Variants in ASCC3 observed in about 807,000 individuals in gnomAD.
ASCC3 encodes the protein ASC-1 complex subunit P200.
ASCC3 carries 158 observed loss-of-function variants against 256.3 expected under a neutral mutation model. That is an observed-to-expected ratio of 0.62 (90% CI 0.54 to 0.70). The LOEUF (loss-of-function observed/expected upper bound fraction) is 0.70, where lower values mean the gene tolerates loss of function less well. ASCC3 is among the 30% of genes least tolerant of loss of function. The pLI is 0.00. For missense variants in ASCC3, 2,259 were observed against 2,626.0 expected (o/e 0.86, Z 3.05); for synonymous variants, 948 against 883.4 (o/e 1.07, Z -1.30).
chr6:100,834,661 A>AT (rs1434551347), intron 4 of ASCC3, among the ~76,000 whole-genome samples: 2 of 152,178 alleles, frequency 1.3e-5, no homozygotes, highest in Non-Finnish European at 2.9e-5. Context: ...AGCTAGCATA[A>AT]TTTTTTTAAA....
chr6:100,763,784 C>T (rs1781519693), intron 10 of ASCC3, among the ~76,000 whole-genome samples: 1 of 152,168 alleles, frequency 6.6e-6, no homozygotes, highest in Admixed American at 6.5e-5. Flanking sequence ...TAAATAAATG[C>T]AAATGTCCCC....
chr6:100,613,590 CTT>C (rs1306021824), intron 30 of ASCC3, among the ~76,000 whole-genome samples: 1 of 151,958 alleles, frequency 6.6e-6, no homozygotes, highest in African/African-American at 2.4e-5. Flanking sequence ...CTGATGGATA[CTT>C]AGGTTGATTC....
chr6:100,538,092 T>C (rs1045467176), intron 37 of ASCC3, among the ~76,000 whole-genome samples: 6 of 151,922 alleles, frequency 3.9e-5, no homozygotes, highest in Admixed American at 3.9e-4. Context: ...GCAATATAGG[T>C]TTTAGAAGTA....
chr6:100,842,476 A>G (rs1244328103), intron 4 of ASCC3, among the ~76,000 whole-genome samples: 1 of 152,162 alleles, frequency 6.6e-6, no homozygotes, highest in Non-Finnish European at 1.5e-5. Context: ...ACATAATGTA[A>G]TGTGTGATAT....
intron 4 of ASCC3, among the ~76,000 whole-genome samples, chr6:100,836,932 A>C (rs1022171783): frequency 1.3e-5 from 2 of 152,106 alleles, no homozygotes; most frequent in African/African-American, 4.8e-5. Flanking sequence ...TGGTCTGTTC[A>C]GATTTTCTGG....
chr6:100,625,468 T>C, intron 29 of ASCC3, 134 bp from the exon 30 acceptor site: 1 of 1,022,248 alleles, frequency 9.8e-7, no homozygotes, highest in Non-Finnish European at 1.5e-6. Flanking sequence ...TTATTGCAGG[T>C]ACTACATGGA....
At position 100,854,511 on chromosome 6, in the gene ASCC3, A is replaced by T. The variant is rs191880653; in HGVS notation, c.242-5804T>A. ...CTGTTGCCTTTGGGATGAACAAATA[A>T]AGGAAAGCAAACAAAGATATTTGTT... On this transcript the variant is annotated intron_variant, in intron 3 of 41. Transcript: ENST00000369162. 2.6e-5 allele frequency among the ~76,000 whole-genome samples: 4 copies of T among 152,334 alleles called. No individual in the cohort carries two copies. In the East Asian group the frequency reaches 7.7e-4, roughly 29 times the overall value.
Position 100,727,233 on chromosome 6 carries a change from T to G in ASCC3, c.1738-1530A>C, listed in dbSNP as rs1291697763. ...CACAGTAAAAATTTTAATCTAAACT[T>G]TTAATGATTTGCATAATCTACTAAT... On this transcript the variant is annotated intron_variant, in intron 10 of 41. Coordinates refer to ENST00000369162, the MANE Select transcript of ASCC3 (RefSeq NM_006828.4). Among the ~76,000 whole-genome samples the G allele has an allele frequency of 2.0e-5, 3 of 152,008 alleles. No individual in the cohort carries two copies. The East Asian group carries it at 5.8e-4, about 29-fold the overall frequency.
At chr6:100,807,021 G>C (rs185809049) in intron 4 of ASCC3, among the ~76,000 whole-genome samples, 54 of 151,992 alleles carry the variant, frequency 3.6e-4, no homozygotes, top group Middle Eastern at 6.8e-3. Context: ...ACAACTAATA[G>C]TAGTGTTTTC....
Position 100,602,958 on chromosome 6 carries a change from C to T in ASCC3, c.5178-1023G>A, listed in dbSNP as rs1053459590. 7.2e-5 allele frequency among the ~76,000 whole-genome samples: 11 copies of T among 152,044 alleles called. No individual in the cohort carries two copies. In the East Asian group the frequency reaches 2.1e-3, roughly 29 times the overall value. ...AAAAGTTGCTATGTTACTCTCAGGT[C>T]ACCAGCTGCAGACTACAAATTGGTC... On this transcript the variant is annotated intron_variant, in intron 33 of 41. Transcript: ENST00000369162.
chr6:100,653,534 C>A (rs553427821), intron 17 of ASCC3, among the ~76,000 whole-genome samples: 18 of 151,266 alleles, frequency 1.2e-4, no homozygotes, highest in Non-Finnish European at 2.2e-4. Flanking sequence ...GCTACTCAGG[C>A]GGCTGAGGCA....
chr6:100,793,984 T>G (rs970750501), intron 8 of ASCC3, among the ~76,000 whole-genome samples: 2 of 152,092 alleles, frequency 1.3e-5, no homozygotes, highest in Non-Finnish European at 2.9e-5. Context: ...TTCTAAATTC[T>G]TCTCTCTGCC....
At chr6:100,570,768 C>T (rs1028267328) in intron 36 of ASCC3, among the ~76,000 whole-genome samples, 2 of 152,168 alleles carry the variant, frequency 1.3e-5, no homozygotes, top group Admixed American at 1.3e-4. Context: ...TTATTCATTG[C>T]TTTTCACCTC....
chr6:100,804,466 C>T (rs1029255691), intron 5 of ASCC3, among the ~76,000 whole-genome samples: 2 of 151,948 alleles, frequency 1.3e-5, no homozygotes. Context: ...TTAGGTCCCA[C>T]TTGTCAACAG....
chr6:100,670,295 C>T (rs576604754), intron 14 of ASCC3, among the ~76,000 whole-genome samples: 1 of 152,060 alleles, frequency 6.6e-6, no homozygotes, highest in Non-Finnish European at 1.5e-5. Flanking sequence ...AAAGCACAGT[C>T]TTCCCATGGT....
intron 13 of ASCC3, among the ~76,000 whole-genome samples, chr6:100,680,289 G>A (rs1582684768): frequency 6.6e-6 from 1 of 152,196 alleles, no homozygotes; most frequent in South Asian, 2.1e-4. Context: ...TATTCATGAA[G>A]TGACTGGGGA....
rs1159566533 is a variant in ASCC3 at position 100,759,453 on chromosome 6, A to G, written c.1737+7112T>C. On this transcript the variant is annotated intron_variant, in intron 10 of 41. Coordinates refer to ENST00000369162, the MANE Select transcript of ASCC3 (RefSeq NM_006828.4). ...AAGGGGTCCAGTTTGAGTTTTCTGC[A>G]TATGGCTAGCCAGTTTTCCCAGCAC... is the stretch of plus-strand genomic sequence containing the variant. Among the ~76,000 whole-genome samples the G allele has an allele frequency of 2.0e-5, 3 of 152,318 alleles. No homozygotes were observed. The East Asian group carries it at 5.8e-4, about 29-fold the overall frequency.
At chr6:100,585,688 G>GT (rs1018948402) in intron 36 of ASCC3, among the ~76,000 whole-genome samples, 4 of 151,588 alleles carry the variant, frequency 2.6e-5, no homozygotes, top group Admixed American at 2.0e-4. Context: ...TTTCTGTTCT[G>GT]TTTTTTCCCC....
rs750929751 is a variant in ASCC3, at chr6:100,510,014, G to T, written c.6379C>A (p.Leu2127Ile). Reference sequence around the variant, plus strand: ...TATCCTACTCTTTTCAAAGCAATAAGTTCTCTCTTATCCACTTCTCCTAAT... The same window carrying T: ...TATCCTACTCTTTTCAAAGCAATAATTTCTCTCTTATCCACTTCTCCTAAT... ...LILGEVDKRELIALKRVGYIR... is the reference protein window; with the variant it reads ...LILGEVDKREIIALKRVGYIR... Residue 2127 changes from leucine to isoleucine, a missense_variant, in exon 41 of 42, where the codon CTT (leucine) becomes ATT (isoleucine). Physicochemically the swap from Leu to Ile is conservative, Grantham distance 5 (BLOSUM62 2). Transcript: ENST00000369162. 2 of 1,614,014 alleles carry T rather than the reference G, an allele frequency of 1.2e-6. No individual in the cohort carries two copies. Among genetic ancestry groups the T allele is most frequent in the South Asian group, 2.2e-5 (2 of 91,068 alleles).
Sources: allele counts gnomAD v4.1 joint callset (sites outside exome capture counted in the v4.1 genomes callset), GRCh38; gene constraint gnomAD v4.1.1; transcripts MANE v1.5; gene names NCBI Gene and HGNC (gene_info 2026-07-23, HGNC 2026-07-21).